Variants in BTBD9 observed in about 807,000 individuals in gnomAD.
The protein encoded by BTBD9 is BTB domain containing 9, also known as BTB/POZ domain-containing protein 9.
BTBD9 carries 49 observed loss-of-function variants against 64.3 expected under a neutral mutation model. That is an observed-to-expected ratio of 0.76 (90% CI 0.61 to 0.97). The LOEUF (loss-of-function observed/expected upper bound fraction) is 0.97, where lower values mean the gene tolerates loss of function less well. BTBD9 is among the 50% of genes least tolerant of loss of function. BTBD9 has a pLI of 0.00. For missense variants in BTBD9, 598 were observed against 762.1 expected (o/e 0.78, Z 2.53); for synonymous variants, 260 against 274.7 (o/e 0.95, Z 0.53).
At chr6:38,501,692 A>G (rs1014301940) in intron 6 of BTBD9, among the ~76,000 whole-genome samples, 1 of 152,060 alleles carries the variant, frequency 6.6e-6, no homozygotes, top group African/African-American at 2.4e-5. Flanking sequence ...GAAGTTATTT[A>G]CCTCCCATGT....
chr6:38,255,059 C>T (rs1384121117), intron 9 of BTBD9, among the ~76,000 whole-genome samples: 1 of 152,140 alleles, frequency 6.6e-6, no homozygotes, highest in African/African-American at 2.4e-5. Flanking sequence ...TATATGCACA[C>T]AATGGAATAC....
At chr6:38,428,243 T>C (rs1768269460) in intron 6 of BTBD9, among the ~76,000 whole-genome samples, 1 of 151,908 alleles carries the variant, frequency 6.6e-6, no homozygotes, top group Non-Finnish European at 1.5e-5. Context: ...TGGTCACTCA[T>C]GCTTCTTCAG....
intron 6 of BTBD9, among the ~76,000 whole-genome samples, chr6:38,437,144 G>A (rs571511061): frequency 6.6e-5 from 10 of 152,254 alleles, no homozygotes; most frequent in African/African-American, 2.2e-4. Flanking sequence ...TAAATACAGA[G>A]TCAACTATGA....
intron 6 of BTBD9, among the ~76,000 whole-genome samples, chr6:38,377,669 CCTT>C (rs1485407538): frequency 1.3e-5 from 2 of 152,126 alleles, no homozygotes; most frequent in Non-Finnish European, 1.5e-5. Flanking sequence ...TCTGGACTCT[CCTT>C]GGAATTCCCA....
At position 38,623,548 on chromosome 6, in the gene BTBD9, G is replaced by T. The variant is rs139290447; in HGVS notation, c.-28+16252C>A. Reference sequence around the variant, plus strand: ...CTAGACCTCCTCACTGCTGAGAAAGGAGAACTCTGCACCTTCTTAGGGGAA... The same window carrying T: ...CTAGACCTCCTCACTGCTGAGAAAGTAGAACTCTGCACCTTCTTAGGGGAA... On this transcript the variant is annotated intron_variant, in intron 1 of 10. Transcript: ENST00000481247. Among the ~76,000 whole-genome samples the T allele has an allele frequency of 4.2e-3, 637 of 152,300 alleles. 9 individuals carry two copies. The highest frequency in any genetic ancestry group is 0.015 in the African/African-American group (604 of 41,552).
chr6:38,469,254 T>C (rs568965306), intron 6 of BTBD9, among the ~76,000 whole-genome samples: 5 of 151,794 alleles, frequency 3.3e-5, no homozygotes, highest in East Asian at 1.9e-4. Context: ...TTCTTAACCA[T>C]GTGTCCTGAG....
intron 6 of BTBD9, among the ~76,000 whole-genome samples, chr6:38,414,094 G>A (rs1417654420): frequency 2.0e-5 from 3 of 152,088 alleles, no homozygotes; most frequent in Admixed American, 6.6e-5. Flanking sequence ...AGAAGTTTAG[G>A]TGTTACATTT....
chr6:38,362,963 A>C (rs1765025200), intron 6 of BTBD9, among the ~76,000 whole-genome samples: 1 of 152,216 alleles, frequency 6.6e-6, no homozygotes, highest in Admixed American at 6.5e-5. Context: ...GAAATGACAG[A>C]ACCACATGAC....
intron 9 of BTBD9, among the ~76,000 whole-genome samples, chr6:38,238,140 C>T (rs973556093): frequency 6.6e-6 from 1 of 152,204 alleles, no homozygotes; most frequent in Non-Finnish European, 1.5e-5. Flanking sequence ...GCAAGCACCT[C>T]ATTCAATCTT....
intron 6 of BTBD9, among the ~76,000 whole-genome samples, chr6:38,509,365 A>G (rs1223071940): frequency 2.6e-5 from 4 of 152,350 alleles, no homozygotes; most frequent in Admixed American, 6.5e-5. Context: ...TGCATCAACT[A>G]TAAGTAAAGA....
intron 1 of BTBD9, among the ~76,000 whole-genome samples, chr6:38,618,697 A>G (rs1453424120): frequency 6.6e-6 from 1 of 152,104 alleles, no homozygotes; most frequent in African/African-American, 2.4e-5. Context: ...AGACCTGGGG[A>G]AGTTTTCAGA....
At chr6:38,295,163 CTAT>C (rs939617633) in intron 7 of BTBD9, among the ~76,000 whole-genome samples, 1 of 151,878 alleles carries the variant, frequency 6.6e-6, no homozygotes, top group South Asian at 2.1e-4. Flanking sequence ...CAAAAAAATT[CTAT>C]TATTGTTGTT....
intron 6 of BTBD9, among the ~76,000 whole-genome samples, chr6:38,375,094 A>C (rs947519043): frequency 6.6e-6 from 1 of 152,206 alleles, no homozygotes; most frequent in African/African-American, 2.4e-5. Context: ...CCAGCGTTGA[A>C]GAAGTCAGGA....
intron 6 of BTBD9, among the ~76,000 whole-genome samples, chr6:38,365,496 C>A (rs1479211702): frequency 2.6e-5 from 4 of 152,192 alleles, no homozygotes; most frequent in Non-Finnish European, 5.9e-5. Flanking sequence ...AATCTCAACA[C>A]TTTGGGAGGC....
At chr6:38,633,715 T>G (rs1433811465) in intron 1 of BTBD9, among the ~76,000 whole-genome samples, 3 of 152,176 alleles carry the variant, frequency 2.0e-5, no homozygotes, top group Admixed American at 1.3e-4. Context: ...TAATCAATAT[T>G]TATACAGTAC....
At chr6:38,312,972 T>C (rs184851449) in intron 7 of BTBD9, among the ~76,000 whole-genome samples, 15 of 152,344 alleles carry the variant, frequency 9.8e-5, no homozygotes, top group Admixed American at 3.9e-4. Flanking sequence ...AGGGATTGAA[T>C]TGAATGTGTA....
At chr6:38,219,129 CTTTTTTTTTTTTT>C (rs5875622) in intron 9 of BTBD9, among the ~76,000 whole-genome samples, 5 of 70,884 alleles carry the variant, frequency 7.1e-5, no homozygotes, top group South Asian at 5.1e-4. Context: ...ACTTTCTTTT[CTTTTTTTTTTTTT>C]TTTTTTTTTT....
rs188286908 is a variant in BTBD9, at chr6:38,635,812, G to C, written c.-28+3988C>G. On this transcript the variant is annotated intron_variant, in intron 1 of 10. Transcript: ENST00000481247. ...GACTGTTCTTTATAAATTAAACTTAGATCAGTTCTTGTCTTAGTTTGTTTT... is the reference window on the plus strand; with the variant it reads ...GACTGTTCTTTATAAATTAAACTTACATCAGTTCTTGTCTTAGTTTGTTTT... Among the ~76,000 whole-genome samples the C allele has an allele frequency of 1.2e-4, 18 of 152,182 alleles. No homozygotes were observed. The East Asian group carries it at 2.9e-3, about 25-fold the overall frequency.
intron 6 of BTBD9, among the ~76,000 whole-genome samples, chr6:38,530,966 T>G (rs1459542320): frequency 6.6e-6 from 1 of 152,002 alleles, no homozygotes; most frequent in Non-Finnish European, 1.5e-5. Flanking sequence ...CAAAAAAGAA[T>G]GAAGCACACC....
Sources: allele counts gnomAD v4.1 joint callset (sites outside exome capture counted in the v4.1 genomes callset), GRCh38; gene constraint gnomAD v4.1.1; transcripts MANE v1.5; gene names NCBI Gene and HGNC (gene_info 2026-07-23, HGNC 2026-07-21).